Variants in MCEE observed in about 807,000 individuals in gnomAD.
MCEE encodes methylmalonyl-CoA epimerase.
A neutral mutation model predicts 12.9 loss-of-function variants in MCEE; 6 were observed. The ratio of observed to expected loss-of-function variants is 0.47; its 90% CI spans 0.26 to 0.92. The LOEUF (loss-of-function observed/expected upper bound fraction) is 0.92. MCEE is among the 40% of genes least tolerant of loss of function. The pLI, the probability that MCEE is intolerant of heterozygous loss-of-function variation, is 0.16. For synonymous variants in MCEE, 78 were observed against 77.9 expected (o/e 1.00, Z -0.01); for missense variants, 214 against 212.1 (o/e 1.01, Z -0.05).
chr2:71,115,928 G>A lies in MCEE; in HGVS notation c.379-5806C>T, dbSNP rs544144916. 1.3e-4 allele frequency among the ~76,000 whole-genome samples: 20 copies of A among 149,320 alleles called. No individual in the cohort carries two copies. The East Asian group carries it at 2.5e-3, about 19-fold the overall frequency. The stretch of plus-strand genomic sequence containing the variant: ...TGTACCTTATGTAACAAACCTGCAC[G>A]TTCTGCACATGTATCCCAGAACTTA... On this transcript the variant is annotated intron_variant, in intron 2 of 2. Coordinates refer to ENST00000244217, the MANE Select transcript of MCEE (RefSeq NM_032601.4).
At position 71,119,403 on chromosome 2, in the gene MCEE, C is replaced by A. The variant is rs1472431193; in HGVS notation, c.378+4803G>T. 2.0e-5 allele frequency among the ~76,000 whole-genome samples: 3 copies of A among 150,488 alleles called. No individual in the cohort carries two copies. The East Asian group carries it at 5.8e-4, about 29-fold the overall frequency. On this transcript the variant is annotated intron_variant, in intron 2 of 2. Coordinates refer to ENST00000244217, the MANE Select transcript of MCEE (RefSeq NM_032601.4). The stretch of plus-strand genomic sequence containing the variant: ...AGTACAATAAAAATACAGTGTATAA[C>A]CTTATGGGACCTCATGTGGACTCAT...
At position 71,109,861 on chromosome 2, in the gene MCEE, G is replaced by C; in HGVS notation, c.*109C>G. 1.0e-6 allele frequency: 1 copy of C among 1,001,094 alleles called. No homozygotes were observed. The allele number at this position is 1,001,094 out of a possible 1,614,324, so 62.0% of individuals were successfully genotyped here. On this transcript the variant is annotated 3_prime_UTR_variant, in exon 3 of 3. Transcript: ENST00000244217. ...TCTTTCTGTAATTCAGTCTTTAACT[G>C]TGAACTTTTACATGATGGAAGCAGT...
chr2:71,119,646 G>T (rs1169448830), intron 2 of MCEE, among the ~76,000 whole-genome samples: 1 of 150,380 alleles, frequency 6.6e-6, no homozygotes, highest in Non-Finnish European at 1.5e-5. Context: ...CAAGCTCTGG[G>T]TAGACAGGAA....
intron 2 of MCEE, among the ~76,000 whole-genome samples, chr2:71,123,565 T>C (rs1673145884): frequency 6.6e-6 from 1 of 152,068 alleles, no homozygotes; most frequent in African/African-American, 2.4e-5. Context: ...TAAAAAGAAT[T>C]GTCCTAGCAA....
chr2:71,114,083 G>A (rs768692032), intron 2 of MCEE, among the ~76,000 whole-genome samples: 3 of 151,696 alleles, frequency 2.0e-5, no homozygotes, highest in African/African-American at 7.3e-5. Context: ...CTAGAAAAAG[G>A]TTAGAAAACA....
intron 1 of MCEE, among the ~76,000 whole-genome samples, chr2:71,126,641 T>C (rs1397704046): frequency 1.4e-5 from 2 of 140,476 alleles, no homozygotes; most frequent in Admixed American, 7.1e-5. Flanking sequence ...CCAAGCAAAC[T>C]GGGTAGAGAA....
intron 1 of MCEE, among the ~76,000 whole-genome samples, chr2:71,128,586 G>C (rs545662252): frequency 2.0e-3 from 307 of 151,488 alleles, no homozygotes; most frequent in African/African-American, 6.4e-3. Flanking sequence ...CTGGAGTGCA[G>C]TGGCGCGATC....
chr2:71,112,264 GTAGC>G (rs1672900963), intron 2 of MCEE, among the ~76,000 whole-genome samples: 1 of 151,946 alleles, frequency 6.6e-6, no homozygotes, highest in African/African-American at 2.4e-5. Flanking sequence ...AGCCTCCAGA[GTAGC>G]TGGGACTACA....
At chr2:71,120,333 G>C (rs1673074957) in intron 2 of MCEE, among the ~76,000 whole-genome samples, 1 of 150,058 alleles carries the variant, frequency 6.7e-6, no homozygotes, top group Non-Finnish European at 1.5e-5. Flanking sequence ...GGCAGGGAAG[G>C]TGACCCCCCT....
chr2:71,118,057 T>C (rs1673028913), intron 2 of MCEE, among the ~76,000 whole-genome samples: 1 of 150,232 alleles, frequency 6.7e-6, no homozygotes, highest in African/African-American at 2.5e-5. Context: ...CCTTGCCTTT[T>C]GTGGGATTCA....
At chr2:71,117,985 C>T (rs1009031322) in intron 2 of MCEE, among the ~76,000 whole-genome samples, 4 of 150,182 alleles carry the variant, frequency 2.7e-5, no homozygotes, top group African/African-American at 1.0e-4. Context: ...CCAGGCCACA[C>T]CACCCCTGCA....
At chr2:71,128,279 T>C (rs568551851) in intron 1 of MCEE, among the ~76,000 whole-genome samples, 1 of 152,328 alleles carries the variant, frequency 6.6e-6, no homozygotes, top group South Asian at 2.1e-4. Flanking sequence ...TGTGCTTTTG[T>C]TTTTCGGCGA....
chr2:71,112,030 TAA>T (rs1672894147), intron 2 of MCEE, among the ~76,000 whole-genome samples: 1 of 152,362 alleles, frequency 6.6e-6, no homozygotes, highest in South Asian at 2.1e-4. Flanking sequence ...TGTCAGCAAC[TAA>T]AAAGTGTCAT....
intron 1 of MCEE, among the ~76,000 whole-genome samples, chr2:71,128,777 C>T (rs1291046588): frequency 6.6e-6 from 1 of 151,970 alleles, no homozygotes; most frequent in African/African-American, 2.4e-5. Flanking sequence ...TCACCTGAGG[C>T]CAGGAGTTCC....
At chr2:71,114,589 A>G (rs925910828) in intron 2 of MCEE, among the ~76,000 whole-genome samples, 14 of 152,248 alleles carry the variant, frequency 9.2e-5, no homozygotes, top group Admixed American at 8.5e-4. Context: ...TATCCTGATT[A>G]GAGCAAATCA....
At chr2:71,116,526 T>C (rs1162600069) in intron 2 of MCEE, among the ~76,000 whole-genome samples, 1 of 148,702 alleles carries the variant, frequency 6.7e-6, no homozygotes, top group Non-Finnish European at 1.5e-5. Context: ...AATGTTTGGA[T>C]TGTCACAATC....
chr2:71,124,072 GATGA>G, intron 2 of MCEE, 130 bp downstream of exon 2: 1 of 672,304 alleles, frequency 1.5e-6, no homozygotes, highest in Non-Finnish European at 2.6e-6. Flanking sequence ...CTTTGAGGAG[GATGA>G]ATATTATCAT....
intron 1 of MCEE, among the ~76,000 whole-genome samples, chr2:71,125,203 A>ATTTTT (rs1222185444): frequency 2.3e-5 from 1 of 42,772 alleles, no homozygotes; most frequent in Non-Finnish European, 4.9e-5. Flanking sequence ...ATATATATAT[A>ATTTTT]TATATATATT....
chr2:71,120,565 G>A (rs377443050), intron 2 of MCEE, among the ~76,000 whole-genome samples: 3 of 150,308 alleles, frequency 2.0e-5, no homozygotes, highest in East Asian at 1.9e-4. Flanking sequence ...TATTGAGATC[G>A]TAATCCACAT....
Sources: gnomAD v4.1 joint callset for allele counts (sites outside exome capture counted in the v4.1 genomes callset) on GRCh38, gnomAD v4.1.1 for gene constraint, MANE v1.5 for transcripts, NCBI Gene and HGNC (gene_info 2026-07-23, HGNC 2026-07-21) for gene names.